LTBP1: variants seen among roughly 807,000 people sequenced by gnomAD.
LTBP1 encodes the protein latent transforming growth factor beta binding protein 1, also known as latent-transforming growth factor beta-binding protein 1.
LTBP1 carries 129 observed loss-of-function variants against 207.6 expected under a neutral mutation model. The ratio of observed to expected loss-of-function variants is 0.62; its 90% CI spans 0.54 to 0.72. LTBP1 has a LOEUF of 0.72. Ranked by LOEUF, LTBP1 falls within the 30% of genes least tolerant of loss-of-function variation. The pLI, the probability that LTBP1 is intolerant of heterozygous loss-of-function variation, is 0.00. For synonymous variants in LTBP1, 963 were observed against 833.7 expected (o/e 1.16, Z -2.67); for missense variants, 2,281 against 2,217.2 (o/e 1.03, Z -0.58).
intron 18 of LTBP1, among the ~76,000 whole-genome samples, chr2:33,276,696 C>G (rs1485276718): frequency 6.6e-6 from 1 of 151,968 alleles, no homozygotes; most frequent in East Asian, 1.9e-4. Context: ...CCTAAAAATA[C>G]AAAAATTAGC....
chr2:33,310,182 C>T (rs62148927), intron 23 of LTBP1, among the ~76,000 whole-genome samples: 56,113 of 151,928 alleles, frequency 0.37, 11,223 homozygotes, highest in Admixed American at 0.43. Flanking sequence ...CACCTGACCT[C>T]GTGATCCACC....
At position 33,389,198 on chromosome 2, in the gene LTBP1, C is replaced by T; in HGVS notation, c.4726C>T (p.Leu1576=). Residue 1576 remains leucine, a synonymous_variant, in exon 32 of 34, where the codon CTG becomes TTG. Coordinates refer to ENST00000404816, the MANE Select transcript of LTBP1 (RefSeq NM_206943.4). ...PLKDSDDYAQ[L]CNIPVTGRRQ... is the part of the protein sequence containing the mutation. The stretch of plus-strand genomic sequence containing the variant: ...CTACTCCTTAGATGACTATGCTCAG[C>T]TGTGTAACATCCCCGTGACGGGACG... The T allele has an allele frequency of 1.2e-6, 2 of 1,614,148 alleles. No individual in the cohort carries two copies. The highest frequency in any genetic ancestry group is 8.5e-7 in the Non-Finnish European group (1 of 1,180,032).
chr2:32,960,253 C>G (rs1159407597), intron 2 of LTBP1, among the ~76,000 whole-genome samples: 3 of 152,152 alleles, frequency 2.0e-5, no homozygotes. Context: ...TACACATCCT[C>G]TTTGCTCTGA....
At chr2:33,179,127 G>T (rs2086363727) in intron 5 of LTBP1, among the ~76,000 whole-genome samples, 1 of 152,116 alleles carries the variant, frequency 6.6e-6, no homozygotes, top group South Asian at 2.1e-4. Context: ...GGGTGCATGT[G>T]GCTCAGGATG....
At chr2:33,220,443 T>C (rs939643870) in intron 8 of LTBP1, among the ~76,000 whole-genome samples, 4 of 152,050 alleles carry the variant, frequency 2.6e-5, no homozygotes, top group African/African-American at 9.7e-5. Context: ...TTGTTGATCA[T>C]TTTTTTTGCT....
chr2:33,336,828 A>G (rs1019625910), intron 24 of LTBP1, among the ~76,000 whole-genome samples: 7 of 152,240 alleles, frequency 4.6e-5, no homozygotes, highest in Non-Finnish European at 1.0e-4. Flanking sequence ...ACTGAAGAAT[A>G]TATCTGAAAA....
At chr2:32,963,510 C>A (rs1368020583) in intron 2 of LTBP1, among the ~76,000 whole-genome samples, 1 of 152,146 alleles carries the variant, frequency 6.6e-6, no homozygotes, top group African/African-American at 2.4e-5. Flanking sequence ...TGCACCTGAC[C>A]ACCATGCACA....
intron 21 of LTBP1, 34 bp from the exon 22 acceptor site, chr2:33,301,488 C>A (rs374927921): frequency 3.2e-6 from 5 of 1,540,542 alleles, no homozygotes; most frequent in South Asian, 1.3e-5. Context: ...TGAAGCACCA[C>A]TTCCACAGTT....
chr2:33,004,555 G>A lies in LTBP1; in HGVS notation c.566-16354G>A, dbSNP rs548580832. Among the ~76,000 whole-genome samples the A allele has an allele frequency of 1.1e-4, 16 of 151,662 alleles. No homozygotes were observed. In the South Asian group the frequency reaches 3.3e-3, roughly 32 times the overall value. ...CACACCTATAATCTCAGCACTTTGG[G>A]AGGCTCAGGTGGGCAGATCTCTTGA... On this transcript the variant is annotated intron_variant, in intron 2 of 33. Coordinates refer to ENST00000404816, the MANE Select transcript of LTBP1 (RefSeq NM_206943.4).
intron 7 of LTBP1, among the ~76,000 whole-genome samples, chr2:33,214,400 G>A (rs17012680): frequency 2.0e-5 from 3 of 152,052 alleles, no homozygotes; most frequent in Non-Finnish European, 2.9e-5. Context: ...TAAGGTTCCC[G>A]TTTGTTCTCA....
At chr2:33,162,300 A>G (rs1374883305) in intron 5 of LTBP1, among the ~76,000 whole-genome samples, 1 of 152,254 alleles carries the variant, frequency 6.6e-6, no homozygotes, top group Non-Finnish European at 1.5e-5. Context: ...TACCTTAAAA[A>G]TAAAAATTAG....
rs529553954 is a variant in LTBP1 at position 33,236,847 on chromosome 2, A to G, written c.1877-6815A>G. Among the ~76,000 whole-genome samples, 6 of 152,334 alleles carry G rather than the reference A, an allele frequency of 3.9e-5. No individual in the cohort carries two copies. In the South Asian group the frequency reaches 1.0e-3, roughly 26 times the overall value. Reference sequence around the variant, plus strand: ...GCAGCGTCGTCCATGTGTAGCACACATGTGTCAAGAAATAAATACAAGCTG... The same window carrying G: ...GCAGCGTCGTCCATGTGTAGCACACGTGTGTCAAGAAATAAATACAAGCTG... On this transcript the variant is annotated intron_variant, in intron 9 of 33. Coordinates refer to ENST00000404816, the MANE Select transcript of LTBP1 (RefSeq NM_206943.4).
At position 32,992,423 on chromosome 2, in the gene LTBP1, G is replaced by T. The variant is rs140081278; in HGVS notation, c.566-28486G>T. The stretch of plus-strand genomic sequence containing the variant: ...AAACCAGTGTGGACAAAAGCCCAGG[G>T]ATGGGAAACATGAGTTTGTCCAAAA... On this transcript the variant is annotated intron_variant, in intron 2 of 33. Transcript: ENST00000404816. Among the ~76,000 whole-genome samples, 858 of 152,296 alleles carry T rather than the reference G, an allele frequency of 5.6e-3. 4 individuals carry two copies. Among genetic ancestry groups the T allele is most frequent in the African/African-American group, 0.018 (767 of 41,558 alleles).
rs553217789 is a variant in LTBP1, at chr2:33,110,428, G to C, written c.864-154G>C. ...CATCATTTACCTCCTTCTATGTCAT[G>C]AGTGGTCAGCGACAGTATTTGAAGG... is the stretch of plus-strand genomic sequence containing the variant. On this transcript the variant is annotated intron_variant, in intron 3 of 33. Transcript: ENST00000404816. 5.4e-4 allele frequency among the ~76,000 whole-genome samples: 82 copies of C among 152,290 alleles called. No homozygotes were observed. The Middle Eastern group carries it at 0.017, about 32-fold the overall frequency.
chr2:33,026,099 T>C (rs1042420619), intron 3 of LTBP1, among the ~76,000 whole-genome samples: 1 of 152,176 alleles, frequency 6.6e-6, no homozygotes, highest in Admixed American at 6.5e-5. Flanking sequence ...TTAAACACTT[T>C]GGGGAAAGAG....
chr2:32,956,833 C>T (rs1393958194), intron 2 of LTBP1, among the ~76,000 whole-genome samples: 3 of 152,208 alleles, frequency 2.0e-5, no homozygotes, highest in Non-Finnish European at 4.4e-5. Flanking sequence ...GTTGAAATTA[C>T]TCTTTGACCC....
intron 5 of LTBP1, among the ~76,000 whole-genome samples, chr2:33,158,356 T>C (rs2148033496): frequency 6.6e-6 from 1 of 152,280 alleles, no homozygotes; most frequent in East Asian, 1.9e-4. Context: ...AAATATTCTA[T>C]GTAACTGGGG....
intron 22 of LTBP1, among the ~76,000 whole-genome samples, chr2:33,305,002 T>C (rs1364268981): frequency 1.3e-5 from 2 of 152,110 alleles, no homozygotes; most frequent in Non-Finnish European, 2.9e-5. Context: ...TACATTGTAG[T>C]GTGGGAGATA....
intron 3 of LTBP1, among the ~76,000 whole-genome samples, chr2:33,059,331 C>T (rs974575410): frequency 6.6e-6 from 1 of 152,114 alleles, no homozygotes; most frequent in African/African-American, 2.4e-5. Flanking sequence ...TGCTTTGAAG[C>T]CACTAAGGGA....
Sources: allele counts gnomAD v4.1 joint callset (sites outside exome capture counted in the v4.1 genomes callset), GRCh38; gene constraint gnomAD v4.1.1; transcripts MANE v1.5; gene names NCBI Gene and HGNC (gene_info 2026-07-23, HGNC 2026-07-21).